Variants in AGO2 observed in about 807,000 individuals in gnomAD.
The protein encoded by AGO2 is protein argonaute-2.
Under a neutral mutation model 102.3 loss-of-function variants are expected in AGO2, and 5 were observed. The ratio of observed to expected loss-of-function variants is 0.05; its 90% CI spans 0.03 to 0.10. AGO2 has a LOEUF of 0.10. Among genes scored for constraint, AGO2 ranks in the 10% least tolerant of loss-of-function variants. The pLI, the probability that AGO2 is intolerant of heterozygous loss-of-function variation, is 1.00. For missense variants in AGO2, 541 were observed against 1,183.7 expected (o/e 0.46, Z 7.97); for synonymous variants, 449 against 473.1 (o/e 0.95, Z 0.66).
chr8:140,549,054 A>G, intron 12 of AGO2, 60 bp downstream of exon 12: 1 of 1,529,392 alleles, frequency 6.5e-7, no homozygotes, highest in South Asian at 1.2e-5. Flanking sequence ...CTTAGGCAGG[A>G]ACAAACACCC....
chr8:140,627,294 A>G (rs938124463), intron 1 of AGO2, among the ~76,000 whole-genome samples: 2 of 152,242 alleles, frequency 1.3e-5, no homozygotes, highest in African/African-American at 2.4e-5. Context: ...ACAAGTCAAC[A>G]TGATGTTGGA....
At chr8:140,562,333 G>A (rs1414527213) in intron 4 of AGO2, 120 bp downstream of exon 4, 4 of 1,242,074 alleles carry the variant, frequency 3.2e-6, no homozygotes, top group African/African-American at 1.5e-5. Context: ...GAAAACCCAC[G>A]TGACCACTCC....
At chr8:140,641,140 A>G in the AGO2 span, among the ~76,000 whole-genome samples, 1 of 152,132 alleles carries the variant, frequency 6.6e-6, no homozygotes, top group East Asian at 1.9e-4. Context: ...AAAAAATACA[A>G]AAATTAGTGG....
intron 1 of AGO2, among the ~76,000 whole-genome samples, chr8:140,600,451 C>T (rs1468036731): frequency 2.0e-5 from 3 of 152,190 alleles, no homozygotes; most frequent in African/African-American, 7.2e-5. Context: ...GAAGCCGAGG[C>T]GGGCAGATCA....
intron 1 of AGO2, among the ~76,000 whole-genome samples, chr8:140,586,985 G>C (rs528133624): frequency 6.6e-6 from 1 of 152,196 alleles, no homozygotes; most frequent in Non-Finnish European, 1.5e-5. Flanking sequence ...GGGGCACACC[G>C]CTGGCTGCAA....
chr8:140,562,782 A>T (rs182179237), intron 3 of AGO2, 148 bp from the exon 4 acceptor site: 5 of 784,722 alleles, frequency 6.4e-6, no homozygotes, highest in Non-Finnish European at 1.0e-5. Context: ...GTGGCTATGG[A>T]GCACTTGAAA....
chr8:140,615,451 C>T (rs766232705), intron 1 of AGO2, among the ~76,000 whole-genome samples: 3 of 152,266 alleles, frequency 2.0e-5, no homozygotes, highest in African/African-American at 4.8e-5. Context: ...GGCCCCGGCC[C>T]AGGCAGTGTT....
At chr8:140,586,363 C>T (rs568290107) in intron 1 of AGO2, among the ~76,000 whole-genome samples, 2 of 152,288 alleles carry the variant, frequency 1.3e-5, no homozygotes, top group Non-Finnish European at 2.9e-5. Context: ...TGTGGTGGCA[C>T]GTGCCTGTAG....
chr8:140,604,724 G>A (rs912056493), intron 1 of AGO2, among the ~76,000 whole-genome samples: 9 of 151,778 alleles, frequency 5.9e-5, no homozygotes, highest in Admixed American at 5.9e-4. Context: ...CTACATGGGG[G>A]GCTGAGGCAG....
rs528128249 is a variant in AGO2 at position 140,580,945 on chromosome 8, T to C, written c.215+4174A>G. Among the ~76,000 whole-genome samples the C allele has an allele frequency of 3.3e-5, 5 of 152,250 alleles. No homozygotes were observed. The South Asian group carries it at 1.0e-3, about 32-fold the overall frequency. Reference sequence around the variant, plus strand: ...AGCCTGGCAGGCGAAACCACAGGAGTGTAGTAGCACAGTCCTGGAAAGACA... The same window carrying C: ...AGCCTGGCAGGCGAAACCACAGGAGCGTAGTAGCACAGTCCTGGAAAGACA... On this transcript the variant is annotated intron_variant, in intron 2 of 18. Transcript: ENST00000220592.
At position 140,521,710 on chromosome 8, in the gene AGO2, G is replaced by C. The variant is rs879759848; in HGVS notation, c.*10334C>G. On this transcript the variant is annotated 3_prime_UTR_variant, in exon 19 of 19. Transcript: ENST00000220592. ...GAATGCAGGCCTCTGCCTCCACAAA[G>C]CCACGAGCTCTGGCTCGCCCCTTTC... 6 of 152,228 alleles carry C rather than the reference G, an allele frequency of 3.9e-5. No individual in the cohort carries two copies. The highest frequency in any genetic ancestry group is 3.3e-4 in the Admixed American group (5 of 15,284). The allele number at this position is 152,228 out of a possible 1,614,324, so 9.4% of individuals were successfully genotyped here.
intron 1 of AGO2, among the ~76,000 whole-genome samples, chr8:140,597,502 T>TG (rs1491556761): frequency 4.8e-4 from 33 of 68,536 alleles, no homozygotes; most frequent in African/African-American, 2.2e-3. Flanking sequence ...CAGGCCTCCC[T>TG]GCCTGAGTGA....
In AGO2 at chr8:140,532,050, A is replaced by G; in HGVS notation, c.2574T>C (p.Phe858=). ...VHQDTLRTMY[F]A The stretch of plus-strand genomic sequence containing the variant: ...CGCTAAACACTAAAACATGTCAAGC[A>G]AAGTACATGGTGCGCAGAGTGTCTT... The change falls in exon 19 of 19, where the codon TTT becomes TTC. Residue 858 remains phenylalanine, a synonymous_variant. Transcript: ENST00000220592. The G allele has an allele frequency of 1.2e-6, 2 of 1,614,058 alleles. No homozygotes were observed. Among genetic ancestry groups the G allele is most frequent in the Non-Finnish European group, 8.5e-7 (1 of 1,179,954 alleles).
intron 2 of AGO2, among the ~76,000 whole-genome samples, chr8:140,580,930 G>A (rs1356145823): frequency 6.6e-6 from 1 of 152,262 alleles, no homozygotes; most frequent in Non-Finnish European, 1.5e-5. Flanking sequence ...AGCCTGGCAG[G>A]CGAAACCACA....
chr8:140,591,394 G>C (rs981455724), intron 1 of AGO2, among the ~76,000 whole-genome samples: 1 of 152,200 alleles, frequency 6.6e-6, no homozygotes, highest in Non-Finnish European at 1.5e-5. Context: ...GGAACGCTGC[G>C]CTGAGGCCGA....
intron 17 of AGO2, 132 bp downstream of exon 17, chr8:140,535,336 G>A (rs879314775): frequency 3.2e-6 from 3 of 949,378 alleles, no homozygotes; most frequent in African/African-American, 3.2e-5. Context: ...GGGCTCCCCG[G>A]TTCCCTGGTA....
chr8:140,614,308 A>G (rs2152103152), intron 1 of AGO2, among the ~76,000 whole-genome samples: 1 of 152,340 alleles, frequency 6.6e-6, no homozygotes, highest in African/African-American at 2.4e-5. Flanking sequence ...TAGGAGACAG[A>G]GTGAGACTCC....
intron 1 of AGO2, among the ~76,000 whole-genome samples, chr8:140,594,731 C>T (rs1362781655): frequency 6.6e-6 from 1 of 151,850 alleles, no homozygotes; most frequent in East Asian, 1.9e-4. Flanking sequence ...TCACTTGAGC[C>T]TGGGGAGGTC....
At chr8:140,580,608 C>T (rs905653469) in intron 2 of AGO2, among the ~76,000 whole-genome samples, 1 of 152,206 alleles carries the variant, frequency 6.6e-6, no homozygotes, top group African/African-American at 2.4e-5. Context: ...GGGACAGGAG[C>T]CATGTCTGCC....
Sources: gnomAD v4.1 joint callset for allele counts (sites outside exome capture counted in the v4.1 genomes callset) on GRCh38, gnomAD v4.1.1 for gene constraint, MANE v1.5 for transcripts, NCBI Gene and HGNC (gene_info 2026-07-23, HGNC 2026-07-21) for gene names.